The following SHANK2 variants were observed in gnomAD, a reference collection of about 807,000 sequenced individuals.
SHANK2 encodes the protein SH3 and multiple ankyrin repeat domains protein 2.
Under a neutral mutation model 133.7 loss-of-function variants are expected in SHANK2, and 43 were observed. That is an observed-to-expected ratio of 0.32 (90% CI 0.25 to 0.41). The LOEUF (loss-of-function observed/expected upper bound fraction) is 0.41, where lower values mean the gene tolerates loss of function less well. Ranked by LOEUF, SHANK2 falls within the 10% of genes least tolerant of loss-of-function variation. SHANK2 has a pLI of 1.00. For missense variants in SHANK2, 1,994 were observed against 2,235.8 expected, an observed-to-expected ratio of 0.89 and a Z score of 2.18; for synonymous variants, 1,017 against 952.8, an observed-to-expected ratio of 1.07 and a Z score of -1.24.
chr11:71,070,574 AG>A (rs1352352673), intron 9 of SHANK2, among the ~76,000 whole-genome samples: 1 of 151,950 alleles, frequency 6.6e-6, no homozygotes, highest in Non-Finnish European at 1.5e-5. Flanking sequence ...AATCCTGGGG[AG>A]GGGGATCCAT....
intron 14 of SHANK2, among the ~76,000 whole-genome samples, chr11:70,795,932 G>A (rs782557566): frequency 6.6e-5 from 10 of 152,174 alleles, no homozygotes; most frequent in African/African-American, 2.2e-4. Context: ...ACTCACACCC[G>A]CATCAGCCCA....
chr11:71,245,945 G>C (rs947984813), intron 1 of SHANK2, among the ~76,000 whole-genome samples: 5 of 152,180 alleles, frequency 3.3e-5, no homozygotes, highest in African/African-American at 4.8e-5. Context: ...CGGGAAGAGG[G>C]GAGTGGAGCA....
chr11:70,616,679 G>C (rs534922982), intron 17 of SHANK2, among the ~76,000 whole-genome samples: 1 of 152,158 alleles, frequency 6.6e-6, no homozygotes, highest in South Asian at 2.1e-4. Flanking sequence ...GGTGGGGTGT[G>C]GGGGGATCTG....
At chr11:70,542,105 G>T (rs1190465646) in intron 17 of SHANK2, among the ~76,000 whole-genome samples, 1 of 152,228 alleles carries the variant, frequency 6.6e-6, no homozygotes, top group South Asian at 2.1e-4. Flanking sequence ...TTGCAGAGAA[G>T]TTACAAAAAC....
chr11:70,527,693 C>A (rs1250121711), intron 17 of SHANK2, among the ~76,000 whole-genome samples: 14 of 152,182 alleles, frequency 9.2e-5, no homozygotes, highest in Admixed American at 2.6e-4. Flanking sequence ...TTCATGTGGC[C>A]TCTCAGGGGA....
chr11:70,706,958 C>T (rs1322878241), intron 14 of SHANK2, among the ~76,000 whole-genome samples: 5 of 152,110 alleles, frequency 3.3e-5, no homozygotes, highest in Admixed American at 3.3e-4. Flanking sequence ...ATCCTGCGCT[C>T]TGACTGTTTC....
chr11:70,796,598 G>A (rs528283878), intron 14 of SHANK2, among the ~76,000 whole-genome samples: 3 of 152,330 alleles, frequency 2.0e-5, no homozygotes, highest in Non-Finnish European at 4.4e-5. Flanking sequence ...AGACAAGTGA[G>A]GCAGGGGAAG....
intron 2 of SHANK2, among the ~76,000 whole-genome samples, chr11:71,213,984 A>G (rs1392879041): frequency 1.3e-5 from 2 of 152,064 alleles, no homozygotes; most frequent in African/African-American, 2.4e-5. Flanking sequence ...TCACCCAGCC[A>G]ATATGAACCA....
intron 14 of SHANK2, among the ~76,000 whole-genome samples, chr11:70,787,943 C>T (rs1947705654): frequency 6.6e-6 from 1 of 152,334 alleles, no homozygotes; most frequent in Admixed American, 6.5e-5. Context: ...CCCAAGTTTA[C>T]TCTGAGGATC....
In SHANK2 at chr11:70,469,401, TTCAC is replaced by T. The variant is rs1274503557; in HGVS notation, c.*3464_*3467del. On this transcript the variant is annotated 3_prime_UTR_variant, in exon 26 of 26. Transcript: ENST00000601538. ...AGCTTTTTGTTTAATTCAGACAGTG[TTCAC>T]TGTTTGTTTGCAATCAGAACCACAA... 2.0e-5 allele frequency: 3 copies of T among 152,744 alleles called. No individual in the cohort carries two copies. Among genetic ancestry groups the T allele is most frequent in the Middle Eastern group, 3.4e-3 (1 of 294 alleles). The allele number at this position is 152,744 out of a possible 1,614,324, so 9.5% of individuals were successfully genotyped here. A position where few individuals can be genotyped will look rare whatever the true frequency, so the allele number is the denominator to read the frequency against.
Position 70,498,218 on chromosome 11 carries a change from TGA to T in SHANK2, c.2308+2350_2308+2351del, listed in dbSNP as rs140152348. 2.6e-5 allele frequency among the ~76,000 whole-genome samples: 4 copies of T among 152,362 alleles called. No individual in the cohort carries two copies. In the East Asian group the frequency reaches 7.7e-4, roughly 29 times the overall value. Reference sequence around the variant, plus strand: ...AGTGCTACTACATCCTGTCTCTGGGTGAGAGAGTACAAATGTCACTCCATTTC... The same window carrying T: ...AGTGCTACTACATCCTGTCTCTGGGTGAGAGTACAAATGTCACTCCATTTC... On this transcript the variant is annotated intron_variant, in intron 21 of 25. Coordinates refer to ENST00000601538, the MANE Select transcript of SHANK2 (RefSeq NM_012309.5).
At chr11:71,060,004 C>A (rs1950968510) in intron 9 of SHANK2, among the ~76,000 whole-genome samples, 1 of 152,168 alleles carries the variant, frequency 6.6e-6, no homozygotes, top group African/African-American at 2.4e-5. Context: ...GTCCCACTGC[C>A]CTACAGGAAG....
chr11:70,814,974 C>G (rs1555053950), intron 12 of SHANK2, among the ~76,000 whole-genome samples: 1 of 152,140 alleles, frequency 6.6e-6, no homozygotes, highest in African/African-American at 2.4e-5. Flanking sequence ...AGGGATGCCC[C>G]CACCCCACAC....
chr11:71,113,676 G>A (rs1419478894), intron 4 of SHANK2, among the ~76,000 whole-genome samples: 1 of 152,250 alleles, frequency 6.6e-6, no homozygotes, highest in Non-Finnish European at 1.5e-5. Context: ...CTAACTGAGT[G>A]GTTATGGTTC....
At chr11:70,478,932 G>T (rs1157817843) in intron 25 of SHANK2, among the ~76,000 whole-genome samples, 6 of 152,218 alleles carry the variant, frequency 3.9e-5, no homozygotes, top group Non-Finnish European at 8.8e-5. Flanking sequence ...CAGGAGGTTC[G>T]CAGCTAAGAT....
chr11:70,529,443 G>A (rs2059440803), intron 17 of SHANK2, among the ~76,000 whole-genome samples: 1 of 152,228 alleles, frequency 6.6e-6, no homozygotes, highest in African/African-American at 2.4e-5. Flanking sequence ...CCCCCCACAA[G>A]GTGCCGTGGG....
chr11:70,515,389 A>AT (rs1481449120), intron 17 of SHANK2, among the ~76,000 whole-genome samples: 1 of 152,120 alleles, frequency 6.6e-6, no homozygotes, highest in Non-Finnish European at 1.5e-5. Flanking sequence ...AGGTATCCTT[A>AT]TTTTATACAC....
intron 21 of SHANK2, among the ~76,000 whole-genome samples, chr11:70,492,952 C>T (rs1027338090): frequency 4.0e-5 from 6 of 151,892 alleles, no homozygotes; most frequent in South Asian, 2.1e-4. Context: ...CCTGCCACTA[C>T]GCCCAGCTAA....
chr11:70,579,953 A>C (rs964814104), intron 17 of SHANK2, among the ~76,000 whole-genome samples: 6 of 152,202 alleles, frequency 3.9e-5, no homozygotes, highest in Non-Finnish European at 7.3e-5. Context: ...AAAGGCAAGG[A>C]AACAGGCTCT....
Sources: allele counts gnomAD v4.1 joint callset (sites outside exome capture counted in the v4.1 genomes callset), GRCh38; gene constraint gnomAD v4.1.1; transcripts MANE v1.5; gene names NCBI Gene and HGNC (gene_info 2026-07-23, HGNC 2026-07-21).